Variants in CDKN2B-AS1 observed in about 807,000 individuals in gnomAD.
The protein encoded by CDKN2B-AS1 is CDKN2B antisense RNA 1 (non-protein coding).
chr9:22,048,192 G>A (rs1587455432), intron 2 of CDKN2B-AS1, among the ~76,000 whole-genome samples: 2 of 152,166 alleles, frequency 1.3e-5, no homozygotes, highest in East Asian at 1.9e-4. Context: ...CTGTCATCCT[G>A]TAAATGTCTT....
At chr9:22,099,454 G>A (rs1825404446) in intron 4 of CDKN2B-AS1, among the ~76,000 whole-genome samples, 1 of 152,138 alleles carries the variant, frequency 6.6e-6, no homozygotes, top group African/African-American at 2.4e-5. Context: ...CTGTTTGGGA[G>A]ACTGTTCTAA....
intron 4 of CDKN2B-AS1, among the ~76,000 whole-genome samples, chr9:22,067,596 G>A (rs1824110568): frequency 6.6e-6 from 1 of 152,074 alleles, no homozygotes; most frequent in South Asian, 2.1e-4. Flanking sequence ...GTCTAGGAAG[G>A]ATGTGGAGAG....
chr9:22,008,955 C>T, intron 1 of CDKN2B-AS1: 2 of 1,613,126 alleles, frequency 1.2e-6, no homozygotes, highest in Middle Eastern at 3.3e-4. Flanking sequence ...CTCGCGCATT[C>T]CGCAGCCCCC....
chr9:22,091,188 C>T (rs1825070509), intron 4 of CDKN2B-AS1, among the ~76,000 whole-genome samples: 1 of 152,050 alleles, frequency 6.6e-6, no homozygotes, highest in Admixed American at 6.6e-5. Context: ...TGGTCTATAT[C>T]TCTGTTTTGG....
exon 5 of CDKN2B-AS1, among the ~76,000 whole-genome samples, chr9:22,127,722 A>T (rs1235679203): frequency 6.6e-6 from 1 of 152,192 alleles, no homozygotes; most frequent in African/African-American, 2.4e-5. Context: ...AACGAGGATG[A>T]TTACTAGAAG....
In CDKN2B-AS1 at chr9:22,112,810, C is replaced by T. The variant is rs72654241; in HGVS notation, n.439-14293C>T. On this transcript the variant is annotated intron_variant and non_coding_transcript_variant, in intron 4 of 4. Coordinates refer to ENST00000650946, the Ensembl canonical transcript of CDKN2B-AS1. ...AGCAATCAATGTGAGAAAATGAGAGCCCTGTCTTCTTAAAAAAATGAGTAA... is the reference window on the plus strand; with the variant it reads ...AGCAATCAATGTGAGAAAATGAGAGTCCTGTCTTCTTAAAAAAATGAGTAA... 9.9e-5 allele frequency among the ~76,000 whole-genome samples: 15 copies of T among 152,076 alleles called. No individual in the cohort carries two copies. The East Asian group carries it at 2.1e-3, about 22-fold the overall frequency.
chr9:22,018,090 G>T (rs1360646969), intron 1 of CDKN2B-AS1, among the ~76,000 whole-genome samples: 1 of 152,100 alleles, frequency 6.6e-6, no homozygotes, highest in Non-Finnish European at 1.5e-5. Flanking sequence ...TTGGGAGGCT[G>T]AGGTGGGTGG....
rs1239968690 is a variant in CDKN2B-AS1, at chr9:22,039,579, C to T, written n.30-7172C>T. On this transcript the variant is annotated intron_variant and non_coding_transcript_variant, in intron 1 of 4. Coordinates refer to ENST00000650946, the Ensembl canonical transcript of CDKN2B-AS1. The surrounding 1 kb of genome is among the most constrained non-coding windows in gnomAD (Gnocchi z 4.4). ...TCTCCATTTTTGGAATGAGAAAATACAGATTACCACAATCAAAGTAGAATG... is the reference window on the plus strand; with the variant it reads ...TCTCCATTTTTGGAATGAGAAAATATAGATTACCACAATCAAAGTAGAATG... Among the ~76,000 whole-genome samples the T allele has an allele frequency of 6.6e-6, 1 of 151,970 alleles. No homozygotes were observed. Among genetic ancestry groups the T allele is most frequent in the East Asian group, 1.9e-4 (1 of 5,172 alleles).
chr9:22,080,923 T>G (rs1309899503), intron 4 of CDKN2B-AS1, among the ~76,000 whole-genome samples: 1 of 152,210 alleles, frequency 6.6e-6, no homozygotes, highest in Non-Finnish European at 1.5e-5. Flanking sequence ...ATTTTGTGTT[T>G]TTTTGCATGA....
intron 1 of CDKN2B-AS1, among the ~76,000 whole-genome samples, chr9:22,021,614 G>A (rs1822021099): frequency 1.3e-5 from 2 of 152,168 alleles, no homozygotes; most frequent in Admixed American, 6.5e-5. Context: ...GCAGTAGTTT[G>A]TGGTTCTCCT....
At chr9:22,003,005 C>T (rs572607024) in intron 1 of CDKN2B-AS1, 9 of 202,940 alleles carry the variant, frequency 4.4e-5, no homozygotes, top group African/African-American at 9.1e-5. Context: ...GGTTTAGATA[C>T]GAACTTAACA....
At chr9:22,112,527 C>T (rs1054927740) in intron 4 of CDKN2B-AS1, 1 of 152,144 alleles carries the variant, frequency 6.6e-6, no homozygotes, top group South Asian at 2.1e-4. Flanking sequence ...TATATAAAAA[C>T]ATGGATATTT....
chr9:22,006,940 A>G lies in CDKN2B-AS1; in HGVS notation n.29+11779A>G, dbSNP rs1258304218. ...TTATAATAAATGATTTTTCCTTAAC[A>G]GTTCATCATTTTAAATTTAGACTAT... On this transcript the variant is annotated intron_variant and non_coding_transcript_variant, in intron 1 of 4. Transcript: ENST00000650946. This position sits in a 1 kb window ranked among gnomAD's most constrained non-coding sequence, Gnocchi z 6.4. Among the ~76,000 whole-genome samples the G allele has an allele frequency of 5.9e-5, 9 of 152,124 alleles. No homozygotes were observed. Among genetic ancestry groups the G allele is most frequent in the African/African-American group, 1.7e-4 (7 of 41,428 alleles).
At chr9:22,127,099 T>G (rs1818032444) in intron 4 of CDKN2B-AS1, among the ~76,000 whole-genome samples, 2 of 152,156 alleles carry the variant, frequency 1.3e-5, no homozygotes, top group African/African-American at 2.4e-5. Flanking sequence ...TTTTCTTTTT[T>G]TAGATGTAGT....
intron 4 of CDKN2B-AS1, among the ~76,000 whole-genome samples, chr9:22,126,835 G>A (rs72655416): frequency 1.6e-4 from 24 of 152,286 alleles, no homozygotes; most frequent in Middle Eastern, 3.4e-3. Flanking sequence ...GCCTCCCAAA[G>A]TGCTGGGATT....
intron 1 of CDKN2B-AS1, among the ~76,000 whole-genome samples, chr9:22,013,729 A>C (rs944974270): frequency 2.0e-5 from 3 of 152,154 alleles, no homozygotes; most frequent in African/African-American, 4.8e-5. Context: ...CTGGATTGCA[A>C]GTGTGAACCA....
intron 4 of CDKN2B-AS1, among the ~76,000 whole-genome samples, chr9:22,124,024 T>A (rs1215448428): frequency 6.6e-6 from 1 of 152,208 alleles, no homozygotes; most frequent in Non-Finnish European, 1.5e-5. Flanking sequence ...TATACAGGTA[T>A]CATATGCATA....
intron 4 of CDKN2B-AS1, among the ~76,000 whole-genome samples, chr9:22,070,175 T>G (rs1446751953): frequency 6.6e-6 from 1 of 152,110 alleles, no homozygotes. Context: ...AAAGATGCAT[T>G]ATTTTAAATT....
intron 4 of CDKN2B-AS1, among the ~76,000 whole-genome samples, chr9:22,073,034 C>A (rs1824358787): frequency 6.6e-6 from 1 of 152,072 alleles, no homozygotes; most frequent in South Asian, 2.1e-4. Context: ...CAGACCATTC[C>A]TTTTTTGCAC....
Sources: gnomAD v4.1 joint callset for allele counts (sites outside exome capture counted in the v4.1 genomes callset) on GRCh38, gnomAD v4.1.1 for gene constraint, Gnocchi (gnomAD v3.1) non-coding constraint, MANE v1.5 for transcripts, NCBI Gene and HGNC (gene_info 2026-07-23, HGNC 2026-07-21) for gene names.